Variants in DIS3 observed in about 807,000 individuals in gnomAD.
DIS3 encodes DIS3 exosome endoribonuclease and 3'-5' exoribonuclease, also known as exosome complex exonuclease RRP44.
In DIS3, 103 loss-of-function variants were observed where a neutral mutation model predicts 113.0. The observed-to-expected ratio is 0.91, with a 90% CI of 0.78 to 1.07. DIS3 has a LOEUF of 1.07. DIS3 is among the 50% of genes least tolerant of loss of function. DIS3 has a pLI of 0.00. For missense variants in DIS3, 1,121 were observed against 1,167.1 expected, an observed-to-expected ratio of 0.96 and a Z score of 0.58; for synonymous variants, 402 against 394.3, an observed-to-expected ratio of 1.02 and a Z score of -0.23.
At chr13:72,781,040 T>C in intron 1 of DIS3, 37 bp from the exon 2 acceptor site, 2 of 1,562,716 alleles carry the variant, frequency 1.3e-6, no homozygotes, top group Non-Finnish European at 1.7e-6. Context: ...CCTATATTCA[T>C]TTGTAAATAG....
At position 72,753,870 on chromosome 13, in the gene DIS3, T is replaced by C; in HGVS notation, c.*5925A>G. ...CTTAATATTGTTTAGATTAGAAATA[T>C]AAAATAATTTTGATTATTAGACAAT... On this transcript the variant is annotated 3_prime_UTR_variant, in exon 21 of 21. Transcript: ENST00000377767. The C allele has an allele frequency of 6.6e-7, 1 of 1,506,628 alleles. No individual in the cohort carries two copies. Among genetic ancestry groups the C allele is most frequent in the Non-Finnish European group, 9.0e-7 (1 of 1,107,632 alleles). The allele number at this position is 1,506,628 out of a possible 1,614,324, so 93.3% of individuals were successfully genotyped here.
Position 72,753,007 on chromosome 13 carries a change from T to C in DIS3, c.*6788A>G, listed in dbSNP as rs779279332. The C allele has an allele frequency of 7.9e-5, 12 of 152,368 alleles. No homozygotes were observed. The highest frequency in any genetic ancestry group is 3.4e-3 in the Middle Eastern group (1 of 294). 9.4% of individuals were successfully genotyped at this position (152,368 alleles called of 1,614,324 possible). ...TTCATCACCTCATCACTGGATGACA[T>C]TGTGAAAGTTAAGCTTTTTAAGCCT... On this transcript the variant is annotated 3_prime_UTR_variant, in exon 21 of 21. Coordinates refer to ENST00000377767, the MANE Select transcript of DIS3 (RefSeq NM_014953.5).
chr13:72,767,704 G>C (rs1405426299), intron 14 of DIS3, among the ~76,000 whole-genome samples: 1 of 152,160 alleles, frequency 6.6e-6, no homozygotes, highest in African/African-American at 2.4e-5. Context: ...TTGAAATATG[G>C]CTAGTAAGGC....
At position 72,760,654 on chromosome 13, in the gene DIS3, AAAC is replaced by A; in HGVS notation, c.2671-6_2671-4del. The A allele has an allele frequency of 6.2e-7, 1 of 1,611,278 alleles. No homozygotes were observed. The highest frequency in any genetic ancestry group is 1.1e-5 in the South Asian group (1 of 90,804). Reference sequence around the variant, plus strand: ...TCTTCTATTTTAAGTGAGGGTATCTAAACAAAACACATTTTATCATTCTTAATT... The same window carrying A: ...TCTTCTATTTTAAGTGAGGGTATCTAAAAACACATTTTATCATTCTTAATT... On this transcript the variant is annotated splice_polypyrimidine_tract_variant and splice_region_variant and intron_variant, in intron 19 of 20. Coordinates refer to ENST00000377767, the MANE Select transcript of DIS3 (RefSeq NM_014953.5).
intron 14 of DIS3, among the ~76,000 whole-genome samples, chr13:72,766,500 C>T (rs1328812777): frequency 6.6e-6 from 1 of 152,064 alleles, no homozygotes; most frequent in Non-Finnish European, 1.5e-5. Flanking sequence ...CTTAGTAACA[C>T]CAGAAGATCC....
Position 72,762,028 on chromosome 13 carries a change from C to A in DIS3, c.2237G>T (p.Arg746Leu). ...LNTLLRILAT[R>L]CMMQAVYFCS... is the part of the protein sequence containing the mutation. Reference sequence around the variant, plus strand: ...GAAGTACACAGCTTGCATCATACAGCGAGTGGCTAATATTCTCAACAGAGT... The same window carrying A: ...GAAGTACACAGCTTGCATCATACAGAGAGTGGCTAATATTCTCAACAGAGT... Residue 746 changes from arginine to leucine, a missense_variant, in exon 17 of 21, where the codon CGC becomes CTC. By Grantham distance (102) the Arg-to-Leu change is moderately radical (BLOSUM62 -2). Transcript: ENST00000377767. 6.2e-7 allele frequency: 1 copy of A among 1,614,038 alleles called. No individual in the cohort carries two copies. Among genetic ancestry groups the A allele is most frequent in the Non-Finnish European group, 8.5e-7 (1 of 1,180,014 alleles).
chr13:72,768,398 C>T (rs1018710840), intron 14 of DIS3, among the ~76,000 whole-genome samples: 6 of 152,148 alleles, frequency 3.9e-5, no homozygotes, highest in Admixed American at 1.3e-4. Flanking sequence ...ACCTGTAATC[C>T]CAACACTTTG....
chr13:72,780,325 C>CAAAA (rs397851597), intron 2 of DIS3, among the ~76,000 whole-genome samples: 42 of 55,384 alleles, frequency 7.6e-4, no homozygotes, highest in South Asian at 2.0e-3. Flanking sequence ...GACTCCATCT[C>CAAAA]AAAAAAAAAA....
At chr13:72,766,758 G>T (rs757707758) in intron 14 of DIS3, among the ~76,000 whole-genome samples, 4 of 152,064 alleles carry the variant, frequency 2.6e-5, no homozygotes, top group Non-Finnish European at 4.4e-5. Flanking sequence ...ACTTTCATGA[G>T]GTCAGCTCCA....
chr13:72,781,432 G>A, intron 1 of DIS3, 173 bp downstream of exon 1: 1 of 1,503,978 alleles, frequency 6.6e-7, no homozygotes, highest in Non-Finnish European at 8.9e-7. Flanking sequence ...ATTTTTTAAA[G>A]CACAAGGAAA....
Position 72,753,509 on chromosome 13 carries a change from C to T in DIS3, c.*6286G>A, listed in dbSNP as rs1359721453. ...GGAATTGTAAAATGACTACAATAAT[C>T]AGTACTATGCAGGACTACCTTTTAT... On this transcript the variant is annotated 3_prime_UTR_variant, in exon 21 of 21. Coordinates refer to ENST00000377767, the MANE Select transcript of DIS3 (RefSeq NM_014953.5). 2 of 524,968 alleles carry T rather than the reference C, an allele frequency of 3.8e-6. No homozygotes were observed. Among genetic ancestry groups the T allele is most frequent in the East Asian group, 3.2e-5 (1 of 30,958 alleles). The allele number at this position is 524,968 out of a possible 1,614,324, so 32.5% of individuals were successfully genotyped here.
rs1184732344 is a variant in DIS3, at chr13:72,756,403, CA to C, written c.*3391del. On this transcript the variant is annotated 3_prime_UTR_variant, in exon 21 of 21. Coordinates refer to ENST00000377767, the MANE Select transcript of DIS3 (RefSeq NM_014953.5). Reference sequence around the variant, plus strand: ...AACTCAATATAAATTTACCTAAAAACAATTGCTATACCTAAAAGGAGTTCTG... The same window carrying C: ...AACTCAATATAAATTTACCTAAAAACATTGCTATACCTAAAAGGAGTTCTG... 1 of 153,034 alleles carries C rather than the reference CA, an allele frequency of 6.5e-6. No individual in the cohort carries two copies. Among genetic ancestry groups the C allele is most frequent in the Admixed American group, 6.5e-5 (1 of 15,294 alleles). The allele number at this position is 153,034 out of a possible 1,614,324, so 9.5% of individuals were successfully genotyped here. A position where few individuals can be genotyped will look rare whatever the true frequency, so the allele number is the denominator to read the frequency against.
rs117157696 is a variant in DIS3, at chr13:72,762,888, A to G, written c.2127+563T>C. On this transcript the variant is annotated intron_variant, in intron 16 of 20. Transcript: ENST00000377767. ...GGCAGTTGACAGGAGCCATGAAGCA[A>G]CATAGACATATGAAACATGCATAAA... Among the ~76,000 whole-genome samples the G allele has an allele frequency of 5.2e-3, 793 of 152,326 alleles. 16 individuals are homozygous for G. Among genetic ancestry groups the G allele is most frequent in the Non-Finnish European group, 4.3e-3 (290 of 68,038 alleles).
In DIS3 at chr13:72,775,235, C is replaced by T; in HGVS notation, c.963G>A (p.Glu321=). The T allele has an allele frequency of 6.2e-7, 1 of 1,613,290 alleles. No homozygotes were observed. The highest frequency in any genetic ancestry group is 8.5e-7 in the Non-Finnish European group (1 of 1,179,538). Residue 321 remains glutamate, a synonymous_variant, in exon 6 of 21, where the codon GAG becomes GAA. Transcript: ENST00000377767. Reference sequence around the variant, plus strand: ...CCATTCGTTCTGTCTCTTCTTCTTTCTCCACATCTTCTTCATTTTGACCTT... The same window carrying T: ...CCATTCGTTCTGTCTCTTCTTCTTTTTCCACATCTTCTTCATTTTGACCTT... ...HDEGQNEEDV[E]KEEETERMLK... is the part of the protein sequence containing the mutation.
Position 72,781,857 on chromosome 13 carries a change from A to G in DIS3, c.-25T>C. 1 of 1,526,422 alleles carries G rather than the reference A, an allele frequency of 6.6e-7. No homozygotes were observed. The allele number at this position is 1,526,422 out of a possible 1,614,324, so 94.6% of individuals were successfully genotyped here. On this transcript the variant is annotated 5_prime_UTR_variant, in exon 1 of 21. Transcript: ENST00000377767. ...TCTTGCCTCGCCGCGCAGAATCCTAACCCCAGCAGCGCTCTTCCAGCAAAA... is the reference window on the plus strand; with the variant it reads ...TCTTGCCTCGCCGCGCAGAATCCTAGCCCCAGCAGCGCTCTTCCAGCAAAA...
intron 14 of DIS3, 37 bp downstream of exon 14, chr13:72,768,748 T>C (rs373148990): frequency 5.9e-5 from 87 of 1,472,298 alleles, no homozygotes; most frequent in Admixed American, 1.7e-4. Context: ...GTAAAGAGTA[T>C]AAAAATTATC....
chr13:72,771,305 C>G (rs9543116), intron 11 of DIS3, among the ~76,000 whole-genome samples, 160 bp from the exon 12 acceptor site: 4 of 152,058 alleles, frequency 2.6e-5, no homozygotes, highest in African/African-American at 9.7e-5. Flanking sequence ...AGGTTTGTTT[C>G]TATAAAAGCA....
rs199919016 is a variant in DIS3 at position 72,768,902 on chromosome 13, G to A, written c.1766C>T (p.Thr589Met). ...AATTCTCAACTGAGCTTCAGCATACGTCAGAGATGCCTAAAAAAGAAAATG... is the reference window on the plus strand; with the variant it reads ...AATTCTCAACTGAGCTTCAGCATACATCAGAGATGCCTAAAAAAGAAAATG... ...KSVINSKASL[T>M]YAEAQLRIDS... is the part of the protein sequence containing the mutation. The change falls in exon 14 of 21, where the codon ACG becomes ATG. Residue 589 changes from threonine (T) to methionine (M), a missense_variant. Around this residue, in one of 3 missense-constraint regions of DIS3, gnomAD observed 861 missense variants for 915.5 expected, o/e 0.94. Transcript: ENST00000377767. The A allele has an allele frequency of 1.1e-4, 174 of 1,579,376 alleles. No homozygotes were observed. Among genetic ancestry groups the A allele is most frequent in the Middle Eastern group, 1.0e-3 (6 of 5,866 alleles).
At position 72,775,334 on chromosome 13, in the gene DIS3, G is replaced by A. The variant is rs569850253; in HGVS notation, c.864C>T (p.His288=). 27 of 1,613,380 alleles carry A rather than the reference G, an allele frequency of 1.7e-5. No individual in the cohort carries two copies. The East Asian group carries it at 2.5e-4, about 15-fold the overall frequency. Residue 288 remains histidine, a synonymous_variant, in exon 6 of 21, where the codon CAC becomes CAT. Coordinates refer to ENST00000377767, the MANE Select transcript of DIS3 (RefSeq NM_014953.5). ...GAAGCTCCACAGCCACAATATCTTC[G>A]TGAACAGCTCTGTTTAAATGTTTAA... The part of the protein sequence containing the change: ...QGLKHLNRAV[H]EDIVAVELLP...
Sources: gnomAD v4.1 joint callset for allele counts (sites outside exome capture counted in the v4.1 genomes callset) on GRCh38, gnomAD v4.1.1 for gene constraint, gnomAD v4.1.1 regional missense constraint, MANE v1.5 for transcripts, NCBI Gene and HGNC (gene_info 2026-07-23, HGNC 2026-07-21) for gene names.